DMD: variants seen among roughly 807,000 people sequenced by gnomAD.
The protein encoded by DMD is mutant dystrophin.
Under a neutral mutation model 330.1 loss-of-function variants are expected in DMD, and 63 were observed. That is an observed-to-expected ratio of 0.19 (90% confidence interval 0.16 to 0.24). The LOEUF is 0.24. Among genes scored for constraint, DMD ranks in the 10% least tolerant of loss-of-function variants. The pLI is 1.00. For synonymous variants in DMD, 1,223 were observed against 959.8 expected, an observed-to-expected ratio of 1.27 and a Z score of -5.07; for missense variants, 3,344 against 2,684.1, an observed-to-expected ratio of 1.25 and a Z score of -5.43.
intron 2 of DMD, among the ~76,000 whole-genome samples, chrX:32,859,144 C>G (rs1253489237): frequency 9.0e-6 from 1 of 111,286 alleles, no homozygotes; most frequent in African/African-American, 3.3e-5. Context: ...TTGTCTGCAT[C>G]TCTTTCTTTG....
chrX:33,168,532 C>A (rs1396379391), intron 1 of DMD, among the ~76,000 whole-genome samples: 3 of 109,226 alleles, frequency 2.7e-5, no homozygotes, highest in East Asian at 2.9e-4. Context: ...TTTAAATTAA[C>A]CCTATTTAGA....
intron 54 of DMD, among the ~76,000 whole-genome samples, chrX:31,653,976 C>T (rs2080620042): frequency 1.8e-5 from 2 of 111,327 alleles, no homozygotes; most frequent in Admixed American, 1.9e-4. Flanking sequence ...TCCTTTTAAG[C>T]ATAAATGCCT....
At chrX:32,352,321 G>T (rs887905130) in intron 37 of DMD, among the ~76,000 whole-genome samples, 2 of 110,399 alleles carry the variant, frequency 1.8e-5, no homozygotes, top group African/African-American at 6.5e-5. Context: ...CAGCTCAATA[G>T]AAATATAATA....
rs1175034903 is a variant in DMD at position 32,411,830 on chromosome X, G to A, written c.4155C>T (p.Ser1385=). 4 of 1,210,623 alleles carry A rather than the reference G, an allele frequency of 3.3e-6. No homozygotes were observed. The highest frequency in any genetic ancestry group is 3.5e-5 in the South Asian group (2 of 56,938). Residue 1385 remains serine (S), a synonymous_variant, in exon 30 of 79, where the codon TCC becomes TCT. Transcript: ENST00000357033. The part of the protein sequence containing the change: ...TEKSLHLIQE[S]LTFIDKQLAA... ...CCAACTGCTTGTCAATGAATGTGAG[G>A]GACTCCTGGATTAAGTGTAAGGATT...
rs114716873 is a variant in DMD, at chrX:31,463,933, A to T, written c.8937+14173T>A. ...TAGGTTTCAATCATATCATGAATTA[A>T]TGAATGAGTGCATTTGTATATCCTC... On this transcript the variant is annotated intron_variant, in intron 59 of 78. Coordinates refer to ENST00000357033, the MANE Select transcript of DMD (RefSeq NM_004006.3). 1.5e-3 allele frequency among the ~76,000 whole-genome samples: 171 copies of T among 111,946 alleles called. 1 individual carries two copies. The highest frequency in any genetic ancestry group is 5.2e-3 in the African/African-American group (162 of 30,921).
chrX:31,363,610 T>C (rs2059080122), intron 60 of DMD, among the ~76,000 whole-genome samples: 1 of 111,003 alleles, frequency 9.0e-6, no homozygotes, highest in South Asian at 3.8e-4. Flanking sequence ...GATCTCCTGA[T>C]CTCGTGATCC....
intron 44 of DMD, among the ~76,000 whole-genome samples, chrX:32,134,029 A>G: frequency 9.0e-6 from 1 of 111,708 alleles, no homozygotes; most frequent in East Asian, 2.8e-4. Flanking sequence ...ATTCTTTGAG[A>G]TCTTTGCTCA....
At chrX:31,750,240 A>G (rs1368670383) in intron 51 of DMD, among the ~76,000 whole-genome samples, 1 of 108,034 alleles carries the variant, frequency 9.3e-6, no homozygotes, top group Non-Finnish European at 1.9e-5. Flanking sequence ...CCTGAATGGT[A>G]ATGCCTAGGT....
chrX:31,483,498 G>A (rs1358639842), intron 57 of DMD, among the ~76,000 whole-genome samples: 1 of 112,453 alleles, frequency 8.9e-6, no homozygotes, highest in Non-Finnish European at 1.9e-5. Flanking sequence ...GAGACCACGT[G>A]TTTGCCCATC....
chrX:31,353,609 A>G (rs1057333298), intron 60 of DMD, among the ~76,000 whole-genome samples: 4 of 112,228 alleles, frequency 3.6e-5, no homozygotes, highest in African/African-American at 1.3e-4. Flanking sequence ...GGGAGAATGA[A>G]GATATTGCTG....
At chrX:32,704,103 T>C in intron 7 of DMD, among the ~76,000 whole-genome samples, 1 of 112,011 alleles carries the variant, frequency 8.9e-6, no homozygotes, top group Middle Eastern at 4.7e-3. Flanking sequence ...GAGGATACTA[T>C]GGAACAAATA....
intron 2 of DMD, among the ~76,000 whole-genome samples, chrX:32,936,503 T>C (rs1196458466): frequency 8.9e-6 from 1 of 111,959 alleles, no homozygotes; most frequent in Non-Finnish European, 1.9e-5. Context: ...CATGAGTTAC[T>C]ACTACTCCTG....
intron 68 of DMD, among the ~76,000 whole-genome samples, chrX:31,181,948 A>T (rs2041199873): frequency 8.9e-6 from 1 of 112,119 alleles, no homozygotes; most frequent in Non-Finnish European, 1.9e-5. Flanking sequence ...AGGATTTAGG[A>T]TTAATGTTAA....
intron 60 of DMD, among the ~76,000 whole-genome samples, chrX:31,397,704 A>G (rs1318124821): frequency 8.9e-6 from 1 of 112,669 alleles, no homozygotes; most frequent in Non-Finnish European, 1.9e-5. Flanking sequence ...AGGACCGTTT[A>G]GAATCATGAT....
At position 31,120,023 on chromosome X, in the gene DMD, AATT is replaced by A. The variant is rs2032100262; in HGVS notation, c.*1893_*1895del. On this transcript the variant is annotated 3_prime_UTR_variant, in exon 79 of 79. Coordinates refer to ENST00000357033, the MANE Select transcript of DMD (RefSeq NM_004006.3). ...AAGCCGTGTTTGATGTTAATTAATT[AATT>A]ATTAATAATGGACAAAACCCACTCT... The A allele has an allele frequency of 9.0e-6, 1 of 110,596 alleles. No individual in the cohort carries two copies. Among genetic ancestry groups the A allele is most frequent in the African/African-American group, 3.3e-5 (1 of 30,563 alleles). The allele number at this position is 110,596 out of a possible 1,213,427, so 9.1% of individuals were successfully genotyped here. A position where few individuals can be genotyped will look rare whatever the true frequency, so the allele number is the denominator to read the frequency against.
At chrX:32,401,288 A>T (rs1390858916) in intron 30 of DMD, among the ~76,000 whole-genome samples, 1 of 110,082 alleles carries the variant, frequency 9.1e-6, no homozygotes, top group Non-Finnish European at 1.9e-5. Flanking sequence ...ATATGTGACT[A>T]ACCTGCACAA....
intron 45 of DMD, among the ~76,000 whole-genome samples, chrX:31,958,122 A>ATTTTTT (rs2095265720): frequency 6.0e-5 from 5 of 83,499 alleles, no homozygotes; most frequent in African/African-American, 2.2e-4. Context: ...TTTTTTTTTA[A>ATTTTTT]AAATGGTACA....
chrX:32,848,934 C>A (rs965989856), intron 3 of DMD, among the ~76,000 whole-genome samples: 1 of 110,498 alleles, frequency 9.0e-6, no homozygotes, highest in African/African-American at 3.3e-5. Flanking sequence ...AGGATTTTTG[C>A]TAACTGACTT....
chrX:31,242,698 A>ATGTG (rs1491232873), intron 63 of DMD, among the ~76,000 whole-genome samples: 3 of 66,966 alleles, frequency 4.5e-5, no homozygotes, highest in African/African-American at 6.3e-5. Context: ...CAACAATAAG[A>ATGTG]TATGTGTGTG....
Sources: gnomAD v4.1 joint callset for allele counts (sites outside exome capture counted in the v4.1 genomes callset) on GRCh38, gnomAD v4.1.1 for gene constraint, MANE v1.5 for transcripts, NCBI Gene and HGNC (gene_info 2026-07-23, HGNC 2026-07-21) for gene names.